WASHC3: variants seen among roughly 807,000 people sequenced by gnomAD.
The protein encoded by WASHC3 is WASH complex subunit 3, also known as WASH complex subunit CCDC53.
WASHC3 carries 24 observed loss-of-function variants against 26.1 expected under a neutral mutation model. The ratio of observed to expected loss-of-function variants is 0.92; its 90% CI spans 0.66 to 1.29. WASHC3 has a LOEUF of 1.29. WASHC3 is among the 50% of genes most tolerant of loss of function. The pLI, the probability that WASHC3 is intolerant of heterozygous loss-of-function variation, is 0.00. For missense variants in WASHC3, 214 were observed against 229.6 expected (o/e 0.93, Z 0.44); for synonymous variants, 77 against 75.7 (o/e 1.02, Z -0.09).
intron 5 of WASHC3, among the ~76,000 whole-genome samples, chr12:102,034,336 A>G (rs1877562047): frequency 6.6e-6 from 1 of 152,188 alleles, no homozygotes; most frequent in East Asian, 1.9e-4. Flanking sequence ...GAATGGTTCA[A>G]TGGTACAAAT....
chr12:102,037,240 C>CA (rs1877702327), intron 5 of WASHC3, among the ~76,000 whole-genome samples: 1 of 152,030 alleles, frequency 6.6e-6, no homozygotes, highest in South Asian at 2.1e-4. Flanking sequence ...GGACTATGTA[C>CA]AAGGTATTAT....
At chr12:102,018,451 T>G (rs1165162301) in intron 6 of WASHC3, among the ~76,000 whole-genome samples, 1 of 152,188 alleles carries the variant, frequency 6.6e-6, no homozygotes, top group Non-Finnish European at 1.5e-5. Context: ...TTTCTTCATA[T>G]CCTTACCAGT....
At chr12:102,042,101 T>A (rs143216269) in intron 4 of WASHC3, among the ~76,000 whole-genome samples, 2 of 152,130 alleles carry the variant, frequency 1.3e-5, no homozygotes. Context: ...ATCTACCACA[T>A]AATAACTACT....
chr12:102,036,358 G>A (rs1315017173), intron 5 of WASHC3, among the ~76,000 whole-genome samples: 18 of 113,610 alleles, frequency 1.6e-4, no homozygotes, highest in South Asian at 8.3e-4. Context: ...GAGAGACTCC[G>A]TCTCAAAAAA....
chr12:102,044,901 C>A lies in WASHC3; in HGVS notation c.217-689G>T, dbSNP rs576882646. ...TACAAACCTTCTTTTCTGAGTTCAT[C>A]CTGATATCAATGACACGCATTTGTC... On this transcript the variant is annotated intron_variant, in intron 3 of 6. Transcript: ENST00000240079. Among the ~76,000 whole-genome samples the A allele has an allele frequency of 7.2e-5, 11 of 152,204 alleles. No homozygotes were observed. The South Asian group carries it at 1.7e-3, about 23-fold the overall frequency.
At chr12:102,037,007 A>C (rs1877691178) in intron 5 of WASHC3, among the ~76,000 whole-genome samples, 2 of 152,226 alleles carry the variant, frequency 1.3e-5, no homozygotes, top group South Asian at 4.1e-4. Context: ...ATATAGTTTA[A>C]AAATATTTTT....
intron 6 of WASHC3, among the ~76,000 whole-genome samples, chr12:102,014,361 G>T (rs1444571374): frequency 6.7e-6 from 1 of 148,844 alleles, no homozygotes; most frequent in Non-Finnish European, 1.5e-5. Context: ...GCGAGCCCGT[G>T]CCTGGCCTAT....
intron 5 of WASHC3, among the ~76,000 whole-genome samples, chr12:102,032,693 G>A (rs549217337): frequency 6.6e-6 from 1 of 152,176 alleles, no homozygotes; most frequent in South Asian, 2.1e-4. Flanking sequence ...AATCTAAAAG[G>A]AACTTCAGAT....
chr12:102,050,231 G>A (rs1565820313), intron 2 of WASHC3: 1 of 445,254 alleles, frequency 2.2e-6, no homozygotes. Context: ...GGAGGTCTAG[G>A]CTGCAGTGAG....
chr12:102,048,935 C>T (rs764134750), intron 2 of WASHC3, among the ~76,000 whole-genome samples: 61 of 152,058 alleles, frequency 4.0e-4, no homozygotes, highest in Non-Finnish European at 6.9e-4. Context: ...TTTGTATGTT[C>T]CAGTGTAATT....
chr12:102,046,028 A>C (rs1421454313), intron 3 of WASHC3, 26 bp downstream of exon 3: 1 of 1,376,246 alleles, frequency 7.3e-7, no homozygotes, highest in Non-Finnish European at 1.0e-6. Flanking sequence ...CAAAGTTTAT[A>C]CTACAAATTA....
intron 5 of WASHC3, among the ~76,000 whole-genome samples, chr12:102,030,684 TAAAATA>T (rs1877397377): frequency 6.6e-6 from 1 of 152,154 alleles, no homozygotes; most frequent in South Asian, 2.1e-4. Flanking sequence ...ATATTAGTAT[TAAAATA>T]TTCTCAGCTA....
At chr12:102,037,541 A>G (rs1270704893) in intron 5 of WASHC3, among the ~76,000 whole-genome samples, 1 of 152,154 alleles carries the variant, frequency 6.6e-6, no homozygotes, top group African/African-American at 2.4e-5. Context: ...TTTCAGGCAG[A>G]CAGAACAGCT....
intron 2 of WASHC3, among the ~76,000 whole-genome samples, chr12:102,051,896 T>C (rs1488260724): frequency 6.6e-6 from 1 of 152,214 alleles, no homozygotes; most frequent in Non-Finnish European, 1.5e-5. Context: ...ACAATAAATA[T>C]TAGTTGTTAT....
chr12:102,019,279 C>A, intron 6 of WASHC3: 2 of 270,116 alleles, frequency 7.4e-6, no homozygotes, highest in South Asian at 3.4e-5. Context: ...AAACTCACAG[C>A]AATACCATCA....
At chr12:102,039,127 G>GTTT (rs151151284) in intron 5 of WASHC3, among the ~76,000 whole-genome samples, 1,220 of 84,220 alleles carry the variant, frequency 0.014, 71 homozygotes, top group Non-Finnish European at 0.022. Context: ...TATGGAGTTA[G>GTTT]GTTTTTTTTT....
intron 4 of WASHC3, among the ~76,000 whole-genome samples, chr12:102,042,152 C>T (rs1472272983): frequency 3.3e-5 from 5 of 152,088 alleles, no homozygotes; most frequent in South Asian, 4.1e-4. Context: ...TTTATAGACG[C>T]TTTATTTTAG....
At chr12:102,036,228 C>T (rs540418246) in intron 5 of WASHC3, among the ~76,000 whole-genome samples, 9 of 151,946 alleles carry the variant, frequency 5.9e-5, no homozygotes, top group East Asian at 3.9e-4. Context: ...GGTGTGGTGG[C>T]GGGCACCACC....
At chr12:102,024,708 C>T (rs1326969261) in intron 6 of WASHC3, among the ~76,000 whole-genome samples, 1 of 152,122 alleles carries the variant, frequency 6.6e-6, no homozygotes, top group African/African-American at 2.4e-5. Context: ...GTAATTTTAG[C>T]TCTCTGTTAT....
Sources: allele counts gnomAD v4.1 joint callset (sites outside exome capture counted in the v4.1 genomes callset), GRCh38; gene constraint gnomAD v4.1.1; transcripts MANE v1.5; gene names NCBI Gene and HGNC (gene_info 2026-07-23, HGNC 2026-07-21).